DDX21: variants seen among roughly 807,000 people sequenced by gnomAD.
DDX21 encodes DExD-box helicase 21.
Under a neutral mutation model 90.0 loss-of-function variants are expected in DDX21, and 18 were observed. The ratio of observed to expected loss-of-function variants is 0.20; its 90% CI spans 0.14 to 0.30. DDX21 has a LOEUF of 0.30. DDX21 is among the 10% of genes least tolerant of loss of function. DDX21 has a pLI of 1.00. For missense variants in DDX21, 673 were observed against 944.5 expected, an observed-to-expected ratio of 0.71 and a Z score of 3.77; for synonymous variants, 294 against 318.0, an observed-to-expected ratio of 0.92 and a Z score of 0.80.
chr10:68,956,976 A>T (rs1842806526), intron 1 of DDX21, among the ~76,000 whole-genome samples: 1 of 150,394 alleles, frequency 6.6e-6, no homozygotes, highest in South Asian at 2.1e-4. Context: ...CGGGAGGCGG[A>T]GGTTGTGGTG....
intron 4 of DDX21, among the ~76,000 whole-genome samples, chr10:68,964,661 C>CTTTT (rs370442851): frequency 1.9e-3 from 187 of 100,004 alleles, no homozygotes; most frequent in Non-Finnish European, 2.7e-3. Flanking sequence ...TGCACCTGGA[C>CTTTT]TTTTTTTTTT....
intron 4 of DDX21, 73 bp from the exon 5 acceptor site, chr10:68,965,304 G>A (rs1478333863): frequency 3.5e-6 from 4 of 1,157,576 alleles, no homozygotes; most frequent in African/African-American, 3.1e-5. Context: ...TTCCTGGAAT[G>A]CTGTTCTTTA....
intron 1 of DDX21, among the ~76,000 whole-genome samples, chr10:68,958,292 ACAGAGT>A (rs1396146791): frequency 6.6e-6 from 1 of 151,680 alleles, no homozygotes; most frequent in Non-Finnish European, 1.5e-5. Context: ...TTTTGTAGAG[ACAGAGT>A]CTTACTGTCA....
chr10:68,981,123 GTTTAGAC>G (rs1843183678), intron 13 of DDX21, among the ~76,000 whole-genome samples: 1 of 152,130 alleles, frequency 6.6e-6, no homozygotes, highest in Non-Finnish European at 1.5e-5. Flanking sequence ...GCAGTATATA[GTTTAGAC>G]TATAGGTTTT....
chr10:68,969,186 TAA>T (rs1215161503), intron 7 of DDX21, 65 bp downstream of exon 7: 68 of 1,438,760 alleles, frequency 4.7e-5, no homozygotes, highest in Non-Finnish European at 5.7e-5. Flanking sequence ...CTGTTAGTAT[TAA>T]GACTGGCAAA....
Position 68,984,722 on chromosome 10 carries a change from C to G in DDX21, c.*1910C>G, listed in dbSNP as rs1463348159. On this transcript the variant is annotated 3_prime_UTR_variant, in exon 15 of 15. Transcript: ENST00000354185. Reference sequence around the variant, plus strand: ...TGGATTTAGCCTAAAGAAAAATAATCTGGCATAAATTAAGAGTAAGAGAGA... The same window carrying G: ...TGGATTTAGCCTAAAGAAAAATAATGTGGCATAAATTAAGAGTAAGAGAGA... 1.3e-5 allele frequency: 2 copies of G among 152,164 alleles called. No individual in the cohort carries two copies. Among genetic ancestry groups the G allele is most frequent in the African/African-American group, 4.8e-5 (2 of 41,442 alleles). The allele number at this position is 152,164 out of a possible 1,614,324, so 9.4% of individuals were successfully genotyped here. A position where few individuals can be genotyped will look rare whatever the true frequency, so the allele number is the denominator to read the frequency against.
chr10:68,974,837 T>A (rs571724867), intron 11 of DDX21, 94 bp downstream of exon 11: 1 of 970,458 alleles, frequency 1.0e-6, no homozygotes, highest in East Asian at 2.7e-5. Context: ...AAAAAATTTT[T>A]TTTTTAAAAT....
chr10:68,981,905 G>A (rs968630740), intron 14 of DDX21, among the ~76,000 whole-genome samples: 4 of 151,518 alleles, frequency 2.6e-5, no homozygotes, highest in Admixed American at 2.0e-4. Flanking sequence ...ACAGAGTCTC[G>A]CTCTGTCGCC....
rs1022847222 is a variant in DDX21 at position 68,982,931 on chromosome 10, C to T, written c.*119C>T. 8 of 1,273,728 alleles carry T rather than the reference C, an allele frequency of 6.3e-6. No individual in the cohort carries two copies. The highest frequency in any genetic ancestry group is 6.2e-5 in the South Asian group (4 of 64,946). The allele number at this position is 1,273,728 out of a possible 1,614,324, so 78.9% of individuals were successfully genotyped here. A position where few individuals can be genotyped will look rare whatever the true frequency, so the allele number is the denominator to read the frequency against. Reference sequence around the variant, plus strand: ...GCCTCCTTTTGACCACTTGCCAAGTCCCTGTCTCTTTCAGACACAGACAAG... The same window carrying T: ...GCCTCCTTTTGACCACTTGCCAAGTTCCTGTCTCTTTCAGACACAGACAAG... On this transcript the variant is annotated 3_prime_UTR_variant, in exon 15 of 15. Coordinates refer to ENST00000354185, the MANE Select transcript of DDX21 (RefSeq NM_004728.4).
chr10:68,964,025 AG>A (rs1372618328), intron 4 of DDX21: 17 of 289,172 alleles, frequency 5.9e-5, no homozygotes, highest in Non-Finnish European at 9.6e-5. Context: ...GCGTGAATCC[AG>A]GAGGCGGAGC....
chr10:68,974,532 C>A (rs1195868390), intron 10 of DDX21, 138 bp from the exon 11 acceptor site: 1 of 649,576 alleles, frequency 1.5e-6, no homozygotes, highest in Non-Finnish European at 2.7e-6. Flanking sequence ...TGTAGCTTTT[C>A]TGTAAGTCTA....
chr10:68,977,462 A>C, intron 11 of DDX21, 67 bp from the exon 12 acceptor site: 1 of 1,414,674 alleles, frequency 7.1e-7, no homozygotes, highest in South Asian at 1.6e-5. Context: ...ATTTATCTTG[A>C]GATGTCTTAG....
chr10:68,969,152 A>C, intron 7 of DDX21, 31 bp downstream of exon 7: 1 of 1,580,950 alleles, frequency 6.3e-7, no homozygotes, highest in Non-Finnish European at 8.6e-7. Flanking sequence ...CCAGAATATA[A>C]AATTGTATAT....
Position 68,962,102 on chromosome 10 carries a change from A to G in DDX21, c.552A>G (p.Lys184=), listed in dbSNP as rs748016042. The G allele has an allele frequency of 1.2e-6, 2 of 1,612,776 alleles. No individual in the cohort carries two copies. Among genetic ancestry groups the G allele is most frequent in the South Asian group, 2.2e-5 (2 of 90,906 alleles). Residue 184 remains lysine, a synonymous_variant, in exon 3 of 15, where the codon AAA becomes AAG. Coordinates refer to ENST00000354185, the MANE Select transcript of DDX21 (RefSeq NM_004728.4). ...GATAGGAAATACCTGTGGAACAAAA[A>G]GAAGGCGCTTTCTCTAATTTTCCCA... ...EIEQEIPVEQ[K]EGAFSNFPIS...
rs1843073779 is a variant in DDX21, at chr10:68,974,847, T to A, written c.1742+104T>A. 4 of 865,996 alleles carry A rather than the reference T, an allele frequency of 4.6e-6. No homozygotes were observed. The South Asian group carries it at 5.4e-5, about 12-fold the overall frequency. 53.6% of individuals were successfully genotyped at this position (865,996 alleles called of 1,614,324 possible). A position where few individuals can be genotyped will look rare whatever the true frequency, so the allele number is the denominator to read the frequency against. The stretch of plus-strand genomic sequence containing the variant: ...ACTTAAAAAAATTTTTTTTTTAAAA[T>A]TTTTGAGACAGGGTCTCACTATGTT... On this transcript the variant is annotated intron_variant, in intron 11 of 14. Coordinates refer to ENST00000354185, the MANE Select transcript of DDX21 (RefSeq NM_004728.4).
intron 5 of DDX21, 131 bp from the exon 6 acceptor site, chr10:68,966,887 C>G (rs1456290928): frequency 3.3e-6 from 2 of 604,704 alleles, no homozygotes; most frequent in Non-Finnish European, 5.3e-6. Context: ...ATCATTATTA[C>G]TTAGCATATT....
chr10:68,982,997 C>A lies in DDX21; in HGVS notation c.*185C>A. On this transcript the variant is annotated 3_prime_UTR_variant, in exon 15 of 15. Coordinates refer to ENST00000354185, the MANE Select transcript of DDX21 (RefSeq NM_004728.4). ...TTCATCTGATCATTATCATTTATAACTTTATTGTTACTTCTTCATCAGTTT... is the reference window on the plus strand; with the variant it reads ...TTCATCTGATCATTATCATTTATAAATTTATTGTTACTTCTTCATCAGTTT... 1 of 738,718 alleles carries A rather than the reference C, an allele frequency of 1.4e-6. No homozygotes were observed. Among genetic ancestry groups the A allele is most frequent in the Non-Finnish European group, 2.1e-6 (1 of 486,464 alleles). The allele number at this position is 738,718 out of a possible 1,614,324, so 45.8% of individuals were successfully genotyped here.
chr10:68,956,627 C>T (rs2132076061), intron 1 of DDX21: 3 of 1,192,384 alleles, frequency 2.5e-6, no homozygotes, highest in Non-Finnish European at 3.2e-6. Context: ...ACGTGGTCCC[C>T]GGCGACTTGG....
At chr10:68,981,477 T>A in intron 13 of DDX21, 60 bp from the exon 14 acceptor site, 1 of 1,444,736 alleles carries the variant, frequency 6.9e-7, no homozygotes, top group Non-Finnish European at 9.7e-7. Context: ...CGTGGTCTTT[T>A]AAAGGGAGTA....
Sources: allele counts gnomAD v4.1 joint callset (sites outside exome capture counted in the v4.1 genomes callset), GRCh38; gene constraint gnomAD v4.1.1; transcripts MANE v1.5; gene names NCBI Gene and HGNC (gene_info 2026-07-23, HGNC 2026-07-21).